The following COLEC12 variants were observed in gnomAD, a reference collection of about 807,000 sequenced individuals.
COLEC12 encodes the protein collectin-12.
COLEC12 carries 33 observed loss-of-function variants against 71.1 expected under a neutral mutation model. The observed-to-expected ratio is 0.46, with a 90% CI of 0.35 to 0.62. The LOEUF (loss-of-function observed/expected upper bound fraction) is 0.62. Ranked by LOEUF, COLEC12 falls within the 20% of genes least tolerant of loss-of-function variation. COLEC12 has a pLI of 0.00. For missense variants in COLEC12, 765 were observed against 916.1 expected, an observed-to-expected ratio of 0.84 and a Z score of 2.13; for synonymous variants, 350 against 353.0, an observed-to-expected ratio of 0.99 and a Z score of 0.10.
At chr18:406,403 G>A (rs1334858421) in intron 2 of COLEC12, among the ~76,000 whole-genome samples, 2 of 151,282 alleles carry the variant, frequency 1.3e-5, no homozygotes, top group African/African-American at 4.9e-5. Flanking sequence ...CAGCTACTCG[G>A]GAGGCTGAGG....
At chr18:413,171 T>C (rs1915924521) in intron 2 of COLEC12, among the ~76,000 whole-genome samples, 1 of 152,126 alleles carries the variant, frequency 6.6e-6, no homozygotes, top group Non-Finnish European at 1.5e-5. Context: ...AATGATCTCA[T>C]TTGAATATGG....
At chr18:397,353 C>T (rs1915593009) in intron 2 of COLEC12, among the ~76,000 whole-genome samples, 1 of 152,046 alleles carries the variant, frequency 6.6e-6, no homozygotes, top group South Asian at 2.1e-4. Flanking sequence ...TATTTGGGAC[C>T]TAATAAATTA....
intron 2 of COLEC12, among the ~76,000 whole-genome samples, chr18:463,118 C>T (rs2143737573): frequency 6.6e-6 from 1 of 152,292 alleles, no homozygotes; most frequent in African/African-American, 2.4e-5. Flanking sequence ...CCACTGGCCT[C>T]CTCCTTAGGC....
At chr18:371,753 G>T (rs2143536973) in intron 2 of COLEC12, among the ~76,000 whole-genome samples, 1 of 152,294 alleles carries the variant, frequency 6.6e-6, no homozygotes, top group East Asian at 1.9e-4. Flanking sequence ...GTCCTGACAA[G>T]CTGCGAGAGC....
At chr18:374,603 T>C (rs1915073390) in intron 2 of COLEC12, among the ~76,000 whole-genome samples, 1 of 152,152 alleles carries the variant, frequency 6.6e-6, no homozygotes, top group South Asian at 2.1e-4. Flanking sequence ...GATATCCTAA[T>C]TTTTCCCACC....
chr18:465,676 G>A (rs1359238398), intron 2 of COLEC12, among the ~76,000 whole-genome samples: 1 of 152,116 alleles, frequency 6.6e-6, no homozygotes, highest in African/African-American at 2.4e-5. Context: ...TACTTCAAAA[G>A]AGGCCTATTA....
intron 2 of COLEC12, among the ~76,000 whole-genome samples, chr18:395,251 A>G (rs1230695089): frequency 3.9e-5 from 6 of 152,244 alleles, no homozygotes. Context: ...ATCAGCAAAG[A>G]CACTCAGGGC....
At chr18:449,306 T>G (rs1239090834) in intron 2 of COLEC12, among the ~76,000 whole-genome samples, 2 of 152,198 alleles carry the variant, frequency 1.3e-5, no homozygotes, top group Admixed American at 1.3e-4. Context: ...AACTCTAGTG[T>G]GAGAGGTTAT....
intron 3 of COLEC12, among the ~76,000 whole-genome samples, chr18:350,394 C>A (rs1361658266): frequency 6.6e-6 from 1 of 152,140 alleles, no homozygotes; most frequent in Non-Finnish European, 1.5e-5. Context: ...CTTGTTCTTC[C>A]CAGTCTCGGG....
intron 2 of COLEC12, among the ~76,000 whole-genome samples, chr18:415,498 A>G (rs1367555154): frequency 6.6e-6 from 1 of 152,128 alleles, no homozygotes; most frequent in African/African-American, 2.4e-5. Flanking sequence ...TCTCTGCACC[A>G]TCACATCATT....
intron 2 of COLEC12, among the ~76,000 whole-genome samples, chr18:380,940 C>A (rs1915218495): frequency 6.6e-6 from 1 of 152,112 alleles, no homozygotes; most frequent in South Asian, 2.1e-4. Flanking sequence ...GTTCCCTAGG[C>A]AACCGGCCCC....
intron 2 of COLEC12, among the ~76,000 whole-genome samples, chr18:479,550 T>TCTCTCTCTCA (rs1555622841): frequency 6.7e-6 from 1 of 149,304 alleles, no homozygotes; most frequent in Non-Finnish European, 1.5e-5. Flanking sequence ...TCTCTCTCTC[T>TCTCTCTCTCA]CACACACACA....
chr18:390,049 G>A (rs1343825182), intron 2 of COLEC12, among the ~76,000 whole-genome samples: 1 of 152,150 alleles, frequency 6.6e-6, no homozygotes, highest in African/African-American at 2.4e-5. Context: ...TAATATTAAA[G>A]CATAAATAAA....
chr18:428,683 GTCTT>G (rs1916243426), intron 2 of COLEC12, among the ~76,000 whole-genome samples: 1 of 152,176 alleles, frequency 6.6e-6, no homozygotes, highest in African/African-American at 2.4e-5. Flanking sequence ...ACTGAAAGTT[GTCTT>G]TTTTTGAAAA....
intron 3 of COLEC12, among the ~76,000 whole-genome samples, chr18:350,260 T>C (rs1914481366): frequency 6.6e-6 from 1 of 152,186 alleles, no homozygotes; most frequent in Non-Finnish European, 1.5e-5. Flanking sequence ...CGAGATCTGA[T>C]GGGTTTCCAC....
Position 320,759 on chromosome 18 carries a change from T to C in COLEC12, c.2210-695A>G, listed in dbSNP as rs566603662. 2.1e-3 allele frequency among the ~76,000 whole-genome samples: 321 copies of C among 152,018 alleles called. 2 individuals are homozygous for C. The highest frequency in any genetic ancestry group is 7.1e-3 in the African/African-American group (294 of 41,408). On this transcript the variant is annotated intron_variant, in intron 9 of 9. Coordinates refer to ENST00000400256, the MANE Select transcript of COLEC12 (RefSeq NM_130386.3). ...CCATTAGCATTCATTCCCCATTTCC[T>C]CTGTCCCCTATCACAAACTTTTAAT...
chr18:480,256 C>A lies in COLEC12; in HGVS notation c.58+451G>T, dbSNP rs932746008. On this transcript the variant is annotated intron_variant, in intron 2 of 9. Coordinates refer to ENST00000400256, the MANE Select transcript of COLEC12 (RefSeq NM_130386.3). This position sits in a 1 kb window ranked among gnomAD's most constrained non-coding sequence, Gnocchi z 4.1. The stretch of plus-strand genomic sequence containing the variant: ...CCTTTGGGGGCCATTCCCCAGCCTG[C>A]CACAGAGCCCCTGTGTCCAGGCAGA... Among the ~76,000 whole-genome samples, 1 of 152,240 alleles carries A rather than the reference C, an allele frequency of 6.6e-6. No individual in the cohort carries two copies. Among genetic ancestry groups the A allele is most frequent in the Non-Finnish European group, 1.5e-5 (1 of 68,040 alleles).
intron 2 of COLEC12, among the ~76,000 whole-genome samples, chr18:449,107 T>C (rs1598367582): frequency 6.6e-6 from 1 of 151,982 alleles, no homozygotes; most frequent in Non-Finnish European, 1.5e-5. Flanking sequence ...ATTAGAATGT[T>C]ATAGTAAAAT....
At chr18:351,740 G>T (rs539993491) in intron 3 of COLEC12, among the ~76,000 whole-genome samples, 1 of 152,192 alleles carries the variant, frequency 6.6e-6, no homozygotes, top group African/African-American at 2.4e-5. Flanking sequence ...GCTAATTTTT[G>T]TATTTTTATT....
Sources: gnomAD v4.1 joint callset for allele counts (sites outside exome capture counted in the v4.1 genomes callset) on GRCh38, gnomAD v4.1.1 for gene constraint, Gnocchi (gnomAD v3.1) non-coding constraint, MANE v1.5 for transcripts, NCBI Gene and HGNC (gene_info 2026-07-23, HGNC 2026-07-21) for gene names.